ATP7B: variants seen among roughly 807,000 people sequenced by gnomAD.
The protein encoded by ATP7B is ATPase copper transporting beta.
A neutral mutation model predicts 118.9 loss-of-function variants in ATP7B; 113 were observed. The observed-to-expected ratio is 0.95, with a 90% CI of 0.82 to 1.11. The LOEUF (loss-of-function observed/expected upper bound fraction) is 1.11, where lower values mean the gene tolerates loss of function less well. Ranked by LOEUF, ATP7B falls within the 50% of genes most tolerant of loss-of-function variation. ATP7B has a pLI of 0.00. For synonymous variants in ATP7B, 777 were observed against 727.4 expected, an observed-to-expected ratio of 1.07 and a Z score of -1.10; for missense variants, 1,867 against 1,871.4, an observed-to-expected ratio of 1.00 and a Z score of 0.04.
intron 4 of ATP7B, among the ~76,000 whole-genome samples, chr13:51,967,507 T>G (rs1281361941): frequency 6.6e-6 from 1 of 152,226 alleles, no homozygotes; most frequent in African/African-American, 2.4e-5. Context: ...CCCCTCTTGT[T>G]GGGCACCTCT....
At chr13:51,952,196 G>A (rs957982202) in intron 9 of ATP7B, among the ~76,000 whole-genome samples, 1 of 152,218 alleles carries the variant, frequency 6.6e-6, no homozygotes, top group African/African-American at 2.4e-5. Flanking sequence ...CGGGGGGAGA[G>A]GAGAAGACGG....
chr13:51,944,443 A>C, intron 13 of ATP7B, 152 bp from the exon 14 acceptor site: 1 of 1,000,160 alleles, frequency 1.0e-6, no homozygotes, highest in Non-Finnish European at 1.5e-6. Flanking sequence ...GTTCAATCTC[A>C]GGGTTCAACA....
chr13:51,961,773 T>G, intron 6 of ATP7B, 64 bp downstream of exon 6: 3 of 1,500,896 alleles, frequency 2.0e-6, no homozygotes, highest in Non-Finnish European at 2.8e-6. Flanking sequence ...GCTGGCAGAG[T>G]TGGGCCCAGG....
chr13:51,959,932 G>T, intron 7 of ATP7B: 1 of 596,916 alleles, frequency 1.7e-6, no homozygotes, highest in Non-Finnish European at 3.0e-6. Context: ...AGTGAAACCA[G>T]GCCCTTAGTA....
rs182879475 is a variant in ATP7B at position 51,991,235 on chromosome 13, C to G, written c.52-16067G>C. Among the ~76,000 whole-genome samples, 875 of 152,304 alleles carry G rather than the reference C, an allele frequency of 5.7e-3. 8 individuals carry two copies. Among genetic ancestry groups the G allele is most frequent in the African/African-American group, 0.02 (829 of 41,554 alleles). ...TGTCTAACATCAATCCTCCCTGCTGCAGTATAAATCTACTTCTAGTTCATT... is the reference window on the plus strand; with the variant it reads ...TGTCTAACATCAATCCTCCCTGCTGGAGTATAAATCTACTTCTAGTTCATT... On this transcript the variant is annotated intron_variant, in intron 1 of 20. Transcript: ENST00000242839.
intron 15 of ATP7B, 93 bp downstream of exon 15, chr13:51,942,293 C>T: frequency 6.3e-7 from 1 of 1,586,336 alleles, no homozygotes; most frequent in Non-Finnish European, 8.6e-7. Flanking sequence ...CCGTCTGCCG[C>T]ACAGCAGAGG....
At chr13:51,985,202 G>A (rs531399837) in intron 1 of ATP7B, among the ~76,000 whole-genome samples, 48 of 152,168 alleles carry the variant, frequency 3.2e-4, no homozygotes, top group African/African-American at 1.0e-3. Flanking sequence ...ACATAGGCTC[G>A]AAATACAGGG....
rs1165735824 is a variant in ATP7B at position 51,963,092 on chromosome 13, CA to C, written c.1870-1180del. Among the ~76,000 whole-genome samples, 160 of 135,930 alleles carry C rather than the reference CA, an allele frequency of 1.2e-3. 1 individual carries two copies. The East Asian group carries it at 0.02, about 17-fold the overall frequency. 89.2% of individuals were successfully genotyped at this position (135,930 alleles called of 152,430 possible). The stretch of plus-strand genomic sequence containing the variant: ...GGGCAACAAGAGCAAAACACCAACT[CA>C]AAAAAAAAAAGAAAGAAAGAAATCA... On this transcript the variant is annotated intron_variant, in intron 5 of 20. Coordinates refer to ENST00000242839, the MANE Select transcript of ATP7B (RefSeq NM_000053.4).
intron 1 of ATP7B, among the ~76,000 whole-genome samples, chr13:51,984,311 T>C (rs1166623065): frequency 6.6e-6 from 1 of 151,714 alleles, no homozygotes; most frequent in African/African-American, 2.4e-5. Flanking sequence ...GAAGAAAGAA[T>C]ATCAGCGACT....
At chr13:52,002,706 G>C (rs1393535111) in intron 1 of ATP7B, among the ~76,000 whole-genome samples, 2 of 152,004 alleles carry the variant, frequency 1.3e-5, no homozygotes, top group Non-Finnish European at 2.9e-5. Flanking sequence ...GCATCTCTCA[G>C]AGATATCCAT....
chr13:51,991,107 A>AG (rs1952887109), intron 1 of ATP7B, among the ~76,000 whole-genome samples: 1 of 152,082 alleles, frequency 6.6e-6, no homozygotes, highest in Non-Finnish European at 1.5e-5. Context: ...AAAAAAAAAA[A>AG]AGAACCTAAC....
rs1566469644 is a variant in ATP7B at position 51,942,568 on chromosome 13, A to G, written c.3244-14T>C. The G allele has an allele frequency of 6.2e-7, 1 of 1,613,862 alleles. No homozygotes were observed. Among genetic ancestry groups the G allele is most frequent in the South Asian group, 1.1e-5 (1 of 91,074 alleles). ...TGTTCCAAGTTCCTGGGAAGGTGGA[A>G]AGAGAGGAAGAGGAAACTGTAAGCC... On this transcript the variant is annotated splice_polypyrimidine_tract_variant and intron_variant, in intron 14 of 20. Transcript: ENST00000242839.
chr13:51,968,382 G>A, intron 4 of ATP7B, 62 bp downstream of exon 4: 1 of 1,609,264 alleles, frequency 6.2e-7, no homozygotes, highest in Admixed American at 1.7e-5. Context: ...CACAAAGATG[G>A]ATGTGTCCAA....
intron 2 of ATP7B, among the ~76,000 whole-genome samples, chr13:51,971,174 C>T (rs1005455043): frequency 2.0e-5 from 3 of 152,226 alleles, no homozygotes; most frequent in Non-Finnish European, 2.9e-5. Context: ...TCTTCAAATA[C>T]AAACTGGCAC....
intron 19 of ATP7B, among the ~76,000 whole-genome samples, chr13:51,936,024 G>C (rs2282058): frequency 6.6e-6 from 1 of 152,022 alleles, no homozygotes; most frequent in Non-Finnish European, 1.5e-5. Flanking sequence ...GGAGAAAAGC[G>C]GCAGGAGCTG....
Position 51,946,442 on chromosome 13 carries a change from T to C in ATP7B, c.2902A>G (p.Ile968Val). The part of the protein sequence containing the change: ...NKHISQTEVI[I>V]RFAFQTSITV... ...ATGGACGTCTGGAAAGCAAACCGGATGATCACCTCTGTCTGGGAGATGTGC... is the reference window on the plus strand; with the variant it reads ...ATGGACGTCTGGAAAGCAAACCGGACGATCACCTCTGTCTGGGAGATGTGC... Residue 968 changes from isoleucine (I) to valine (V), a missense_variant, in exon 13 of 21, where the codon ATC (isoleucine) becomes GTC (valine). Coordinates refer to ENST00000242839, the MANE Select transcript of ATP7B (RefSeq NM_000053.4). 1 of 1,614,174 alleles carries C rather than the reference T, an allele frequency of 6.2e-7. No individual in the cohort carries two copies. Among genetic ancestry groups the C allele is most frequent in the Non-Finnish European group, 8.5e-7 (1 of 1,180,038 alleles).
rs762097856 is a variant in ATP7B at position 51,937,283 on chromosome 13, A to G, written c.4014T>C (p.Ile1338=). Residue 1338 remains isoleucine, a synonymous_variant, in exon 19 of 21, where the codon ATT becomes ATC. Coordinates refer to ENST00000242839, the MANE Select transcript of ATP7B (RefSeq NM_000053.4). Reference sequence around the variant, plus strand: ...TGGGTAAGAGCTGCCTACCTGCTGCAATGGGTATCCCAACCAGGTTATAAA... The same window carrying G: ...TGGGTAAGAGCTGCCTACCTGCTGCGATGGGTATCCCAACCAGGTTATAAA... ...ALIYNLVGIP[I]AAGVFMPIGI... The G allele has an allele frequency of 6.2e-7, 1 of 1,614,010 alleles. No homozygotes were observed. The highest frequency in any genetic ancestry group is 1.7e-5 in the Admixed American group (1 of 60,024).
rs1555291181 is a variant in ATP7B, at chr13:51,958,415, C to G, written c.2251G>C (p.Ala751Pro). 6.2e-7 allele frequency: 1 copy of G among 1,614,116 alleles called. No homozygotes were observed. The highest frequency in any genetic ancestry group is 1.3e-5 in the African/African-American group (1 of 74,942). ...CTCCTCTCCGCCTTCTCAGCCACAG[C>G]AACCACCAGGATGACCAGAGAATAA... is the stretch of plus-strand genomic sequence containing the variant. ...YVYSLVILVVAVAEKAERSPV... is the reference protein window; with the variant it reads ...YVYSLVILVVPVAEKAERSPV... The change falls in exon 8 of 21, where the codon GCT (alanine) becomes CCT (proline). Residue 751 changes from alanine (A) to proline (P), a missense_variant. Ala to Pro is a conservative substitution (Grantham distance 27). Transcript: ENST00000242839.
chr13:52,002,018 G>A (rs549292872), intron 1 of ATP7B, among the ~76,000 whole-genome samples: 8 of 152,088 alleles, frequency 5.3e-5, no homozygotes, highest in South Asian at 2.1e-4. Context: ...GGCTGGCCTC[G>A]AACTCCTGAG....
Sources: allele counts gnomAD v4.1 joint callset (sites outside exome capture counted in the v4.1 genomes callset), GRCh38; gene constraint gnomAD v4.1.1; transcripts MANE v1.5; gene names NCBI Gene and HGNC (gene_info 2026-07-23, HGNC 2026-07-21).